PTK2: variants seen among roughly 807,000 people sequenced by gnomAD.
The protein encoded by PTK2 is protein tyrosine kinase 2, also known as focal adhesion kinase 1.
PTK2 carries 45 observed loss-of-function variants against 150.1 expected under a neutral mutation model. The observed-to-expected ratio is 0.30, with a 90% CI of 0.24 to 0.38. The LOEUF is 0.38. PTK2 is among the 10% of genes least tolerant of loss of function. The pLI is 1.00. For missense variants in PTK2, 919 were observed against 1,307.3 expected (o/e 0.70, Z 4.58); for synonymous variants, 432 against 449.2 (o/e 0.96, Z 0.48).
chr8:140,943,480 C>CA (rs774899705), intron 1 of PTK2, among the ~76,000 whole-genome samples: 3 of 152,112 alleles, frequency 2.0e-5, no homozygotes, highest in Non-Finnish European at 2.9e-5. Flanking sequence ...ATCCATTTAC[C>CA]AACTGATGGA....
At chr8:140,978,350 A>C (rs2100190100) in intron 1 of PTK2, among the ~76,000 whole-genome samples, 1 of 152,244 alleles carries the variant, frequency 6.6e-6, no homozygotes, top group South Asian at 2.1e-4. Flanking sequence ...AAATTTTTGC[A>C]ATCTACTCAT....
chr8:140,830,258 C>T (rs1458653969), intron 8 of PTK2, among the ~76,000 whole-genome samples: 1 of 152,136 alleles, frequency 6.6e-6, no homozygotes, highest in Admixed American at 6.5e-5. Context: ...GTATCAAACA[C>T]AATTAAGAAG....
intron 1 of PTK2, among the ~76,000 whole-genome samples, chr8:140,960,420 G>C (rs1371297365): frequency 2.0e-5 from 3 of 151,948 alleles, no homozygotes; most frequent in African/African-American, 7.3e-5. Flanking sequence ...ATGTTGGCCA[G>C]GCTGGTCTCA....
At chr8:140,847,913 T>C (rs867112722) in intron 5 of PTK2, among the ~76,000 whole-genome samples, 5 of 152,196 alleles carry the variant, frequency 3.3e-5, no homozygotes, top group Middle Eastern at 3.2e-3. Flanking sequence ...TCATACTGGA[T>C]GGTTCCTCAT....
At chr8:140,705,581 T>A (rs1205537460) in intron 24 of PTK2, among the ~76,000 whole-genome samples, 1 of 152,198 alleles carries the variant, frequency 6.6e-6, no homozygotes, top group African/African-American at 2.4e-5. Context: ...AACAAAGACC[T>A]GTGCATTGTA....
intron 14 of PTK2, among the ~76,000 whole-genome samples, chr8:140,774,554 A>G (rs1370827199): frequency 6.6e-6 from 1 of 152,190 alleles, no homozygotes; most frequent in African/African-American, 2.4e-5. Context: ...CCGACCCAGA[A>G]CAACTCCATC....
chr8:140,658,393 A>C (rs1046063544), exon 32 of PTK2: 39 of 181,282 alleles, frequency 2.2e-4, no homozygotes, highest in Admixed American at 1.9e-3. Flanking sequence ...AGGATATTAC[A>C]ACAAGAACTT....
intron 10 of PTK2, among the ~76,000 whole-genome samples, chr8:140,811,924 C>T (rs1183757328): frequency 1.3e-5 from 2 of 152,228 alleles, no homozygotes; most frequent in East Asian, 3.9e-4. Flanking sequence ...TGTAAAGAGA[C>T]CAAATCTATG....
intron 14 of PTK2, 150 bp from the exon 17 acceptor site, chr8:140,764,440 T>C (rs1034261388): frequency 1.1e-5 from 7 of 623,140 alleles, no homozygotes; most frequent in East Asian, 2.7e-5. Context: ...TGCTCACACA[T>C]GAGTCATTTA....
At chr8:140,746,892 CTTTTTTTTTT>C in intron 17 of PTK2, 32 bp from the exon 21 acceptor site, 1 of 989,542 alleles carries the variant, frequency 1.0e-6, no homozygotes, top group Non-Finnish European at 1.4e-6. Context: ...GTTATTCTTT[CTTTTTTTTTT>C]TTTTTTTTAG....
chr8:140,859,080 G>A (rs1282627261), intron 5 of PTK2, among the ~76,000 whole-genome samples: 2 of 152,078 alleles, frequency 1.3e-5, no homozygotes, highest in African/African-American at 2.4e-5. Context: ...TACGTGAGCT[G>A]GGAAACAAAA....
intron 19 of PTK2, among the ~76,000 whole-genome samples, 160 bp from the exon 23 acceptor site, chr8:140,743,490 T>C (rs1294190890): frequency 1.3e-5 from 2 of 152,090 alleles, no homozygotes; most frequent in African/African-American, 4.8e-5. Flanking sequence ...ATAAATCTCA[T>C]ATATACACAC....
Position 140,735,235 on chromosome 8 carries a change from TC to T in PTK2, c.2030+15del. 2 of 1,611,330 alleles carry T rather than the reference TC, an allele frequency of 1.2e-6. No individual in the cohort carries two copies. The highest frequency in any genetic ancestry group is 8.5e-7 in the Non-Finnish European group (1 of 1,178,278). ...TCTGCCCCCACCCCCAGGCCCTCTC[TC>T]CCGCCAACTCCTACCTGAGCTGAGC... is the stretch of plus-strand genomic sequence containing the variant. On this transcript the variant is annotated intron_variant, in intron 22 of 31. Coordinates refer to ENST00000522684, the Ensembl canonical transcript of PTK2.
intron 26 of PTK2, among the ~76,000 whole-genome samples, chr8:140,694,993 T>G (rs772984726): frequency 6.6e-5 from 10 of 152,194 alleles, no homozygotes; most frequent in Admixed American, 2.0e-4. Context: ...TCCATGCGGC[T>G]GTCTAAAAAT....
intron 7 of PTK2, among the ~76,000 whole-genome samples, chr8:140,838,277 A>G (rs1022710781): frequency 2.6e-5 from 4 of 152,242 alleles, no homozygotes; most frequent in African/African-American, 9.6e-5. Context: ...GAAGAAATAT[A>G]AATTTCTAAA....
At chr8:140,980,596 T>C (rs1000495773) in intron 1 of PTK2, among the ~76,000 whole-genome samples, 5 of 152,026 alleles carry the variant, frequency 3.3e-5, no homozygotes, top group African/African-American at 1.2e-4. Context: ...CACTTCAGCC[T>C]GGGCGACAGA....
intron 31 of PTK2, chr8:140,662,852 C>A (rs1472313311): frequency 8.9e-6 from 4 of 447,204 alleles, no homozygotes; most frequent in Non-Finnish European, 1.6e-5. Context: ...ATCCCTCAAT[C>A]CAACTTTAAG....
chr8:140,831,733 T>C (rs560741809), intron 7 of PTK2, among the ~76,000 whole-genome samples: 2 of 152,378 alleles, frequency 1.3e-5, no homozygotes, highest in East Asian at 3.9e-4. Context: ...TTCATTTAAC[T>C]ACTGGTTTTA....
chr8:140,698,182 CTTT>C (rs2100027999), intron 26 of PTK2, among the ~76,000 whole-genome samples: 1 of 152,166 alleles, frequency 6.6e-6, no homozygotes, highest in Non-Finnish European at 1.5e-5. Flanking sequence ...TTATGTTCTT[CTTT>C]GTCAGAGCAA....
Sources: allele counts gnomAD v4.1 joint callset (sites outside exome capture counted in the v4.1 genomes callset), GRCh38; gene constraint gnomAD v4.1.1; transcripts MANE v1.5; gene names NCBI Gene and HGNC (gene_info 2026-07-23, HGNC 2026-07-21).